The following SAMD5 variants were observed in gnomAD, a reference collection of about 807,000 sequenced individuals.
The protein encoded by SAMD5 is sterile alpha motif domain-containing protein 5.
In SAMD5, 13 loss-of-function variants were observed where a neutral mutation model predicts 11.3. That is an observed-to-expected ratio of 1.15 (90% confidence interval 0.75 to 1.83). The LOEUF (loss-of-function observed/expected upper bound fraction) is 1.83. SAMD5 is among the 40% of genes most tolerant of loss of function. The pLI is 0.00. For synonymous variants in SAMD5, 129 were observed against 111.3 expected, an observed-to-expected ratio of 1.16 and a Z score of -1.00; for missense variants, 255 against 239.1, an observed-to-expected ratio of 1.07 and a Z score of -0.44.
intron 1 of SAMD5, among the ~76,000 whole-genome samples, chr6:147,555,220 C>G (rs760032377): frequency 2.0e-5 from 3 of 152,122 alleles, no homozygotes; most frequent in East Asian, 1.9e-4. Flanking sequence ...TGCAAATGGA[C>G]GTGTATGTAA....
At chr6:147,839,277 G>A in the SAMD5 span, among the ~76,000 whole-genome samples, 1 of 152,198 alleles carries the variant, frequency 6.6e-6, no homozygotes. Context: ...TTAGGTGAAT[G>A]ATTATATGTC....
intron 1 of SAMD5, among the ~76,000 whole-genome samples, chr6:147,726,646 A>G (rs2128459678): frequency 6.6e-6 from 1 of 152,344 alleles, no homozygotes; most frequent in East Asian, 1.9e-4. Context: ...TTGTGGCTCA[A>G]TACTCTGGAT....
chr6:147,859,224 T>G, the SAMD5 span, among the ~76,000 whole-genome samples: 1 of 138,544 alleles, frequency 7.2e-6, no homozygotes, highest in African/African-American at 3.5e-5. Context: ...GCCAAAAGCA[T>G]AGGGGGACGT....
At chr6:147,825,839 CT>C in the SAMD5 span, among the ~76,000 whole-genome samples, 1 of 152,214 alleles carries the variant, frequency 6.6e-6, no homozygotes, top group Non-Finnish European at 1.5e-5. Context: ...CAACTCCAAA[CT>C]CTGTTTATAT....
chr6:147,645,473 A>G (rs1331285510), intron 1 of SAMD5, among the ~76,000 whole-genome samples: 1 of 152,176 alleles, frequency 6.6e-6, no homozygotes, highest in African/African-American at 2.4e-5. Context: ...CCATGTTAGA[A>G]TAATAGAATT....
the SAMD5 span, among the ~76,000 whole-genome samples, chr6:147,878,596 C>CATATATATCTATATAGATATATATGT: frequency 2.5e-3 from 365 of 143,644 alleles, 2 homozygotes; most frequent in African/African-American, 8.8e-3. Flanking sequence ...GATATATATA[C>CATATATATCTATATAGATATATATGT]ATATATATCT....
At chr6:147,929,701 CA>C in the SAMD5 span, among the ~76,000 whole-genome samples, 2 of 152,090 alleles carry the variant, frequency 1.3e-5, no homozygotes, top group African/African-American at 4.8e-5. Context: ...GTTATGTTGG[CA>C]ACTTATATTC....
the SAMD5 span, among the ~76,000 whole-genome samples, chr6:147,771,060 G>A: frequency 6.6e-6 from 1 of 152,252 alleles, no homozygotes; most frequent in Non-Finnish European, 1.5e-5. Flanking sequence ...AGGACATCTT[G>A]CTAACTTTTT....
the SAMD5 span, among the ~76,000 whole-genome samples, chr6:147,859,114 A>G: frequency 1.3e-5 from 2 of 152,206 alleles, no homozygotes; most frequent in Non-Finnish European, 2.9e-5. Context: ...GGAATTGTCG[A>G]GTAAAGCAAT....
intron 1 of SAMD5, among the ~76,000 whole-genome samples, chr6:147,709,610 C>A (rs1465699956): frequency 6.6e-6 from 1 of 152,184 alleles, no homozygotes; most frequent in East Asian, 1.9e-4. Flanking sequence ...CTGGACCTAA[C>A]TGTAGCTTAA....
chr6:147,801,810 A>T, the SAMD5 span, among the ~76,000 whole-genome samples: 1 of 152,220 alleles, frequency 6.6e-6, no homozygotes, highest in South Asian at 2.1e-4. Flanking sequence ...ACCCACGCAC[A>T]TATGGTCAAT....
intron 1 of SAMD5, among the ~76,000 whole-genome samples, chr6:147,646,373 T>C (rs1022669737): frequency 4.6e-5 from 7 of 152,198 alleles, no homozygotes; most frequent in South Asian, 2.1e-4. Flanking sequence ...TTATGCTTCA[T>C]GGATTCTTAA....
chr6:147,817,491 T>C, the SAMD5 span, among the ~76,000 whole-genome samples: 2 of 152,280 alleles, frequency 1.3e-5, no homozygotes, highest in Non-Finnish European at 2.9e-5. Context: ...CATCACCATG[T>C]CTTTTTTCTT....
At chr6:147,591,699 G>T (rs1789457275) in intron 1 of SAMD5, among the ~76,000 whole-genome samples, 1 of 152,094 alleles carries the variant, frequency 6.6e-6, no homozygotes, top group Non-Finnish European at 1.5e-5. Context: ...TATTCATTTA[G>T]AAATAGGGGA....
At chr6:147,749,959 G>C in the SAMD5 span, among the ~76,000 whole-genome samples, 3 of 152,086 alleles carry the variant, frequency 2.0e-5, no homozygotes, top group Admixed American at 2.0e-4. Flanking sequence ...TCAGACTTTT[G>C]ATAAATTATT....
At chr6:147,698,199 A>G (rs1791204953) in intron 1 of SAMD5, among the ~76,000 whole-genome samples, 1 of 152,034 alleles carries the variant, frequency 6.6e-6, no homozygotes, top group South Asian at 2.1e-4. Flanking sequence ...CTAACAGGCC[A>G]CAGACCGGTA....
chr6:147,877,847 TACACAC>T, the SAMD5 span, among the ~76,000 whole-genome samples: 51 of 113,122 alleles, frequency 4.5e-4, 1 homozygote, highest in African/African-American at 1.6e-3. Flanking sequence ...TTTATATAAA[TACACAC>T]ACACACACAC....
Position 147,591,051 on chromosome 6 carries a change from T to G in SAMD5, c.162+81664T>G, listed in dbSNP as rs188152521. On this transcript the variant is annotated intron_variant, in intron 1 of 1. Coordinates refer to the SAMD5 transcript ENST00000566741. ...TCTTCGAGGTCTTTTAAAAAGCTGT[T>G]AAACAATGTAAAACCACGGAGACAA... 5.9e-5 allele frequency among the ~76,000 whole-genome samples: 9 copies of G among 152,170 alleles called. No homozygotes were observed. The East Asian group carries it at 1.5e-3, about 26-fold the overall frequency.
chr6:147,910,093 A>G, the SAMD5 span, among the ~76,000 whole-genome samples: 1 of 152,060 alleles, frequency 6.6e-6, no homozygotes, highest in Admixed American at 6.6e-5. Flanking sequence ...CTCAAGAACC[A>G]TTTCCCAGTC....
Sources: gnomAD v4.1 joint callset for allele counts (sites outside exome capture counted in the v4.1 genomes callset) on GRCh38, gnomAD v4.1.1 for gene constraint, MANE v1.5 for transcripts, NCBI Gene and HGNC (gene_info 2026-07-23, HGNC 2026-07-21) for gene names.